Variants in CELF1 observed in about 807,000 individuals in gnomAD.
The protein encoded by CELF1 is 50 kDa nuclear polyadenylated RNA-binding protein.
In CELF1, 10 loss-of-function variants were observed where a neutral mutation model predicts 61.8. The observed-to-expected ratio is 0.16, with a 90% CI of 0.10 to 0.27. The LOEUF (loss-of-function observed/expected upper bound fraction) is 0.27. Among genes scored for constraint, CELF1 ranks in the 10% least tolerant of loss-of-function variants. The probability of loss-of-function intolerance (pLI) is 1.00; values close to 1 mark genes in which losing one functional copy is unlikely to be tolerated. For missense variants in CELF1, 380 were observed against 639.1 expected (o/e 0.59, Z 4.37); for synonymous variants, 236 against 225.1 (o/e 1.05, Z -0.43).
intron 3 of CELF1, among the ~76,000 whole-genome samples, chr11:47,498,335 G>A (rs1263238156): frequency 1.3e-5 from 2 of 152,092 alleles, no homozygotes; most frequent in Non-Finnish European, 2.9e-5. Context: ...AGCCCAGGAG[G>A]TTGAGGCTAC....
upstream of CELF1, chr11:47,553,243 G>C (rs570733045): frequency 1.0e-5 from 4 of 382,686 alleles, no homozygotes; most frequent in African/African-American, 2.1e-5. Context: ...GCGCCGATGC[G>C]AGCGGAGCGC....
chr11:47,479,041 T>G (rs2081508837), intron 9 of CELF1, 89 bp from the exon 10 acceptor site: 1 of 1,017,384 alleles, frequency 9.8e-7, no homozygotes, highest in Non-Finnish European at 1.5e-6. Flanking sequence ...AAAGCGAGAG[T>G]GCAGAGGCCC....
chr11:47,486,303 C>T (rs1456203597), intron 6 of CELF1, among the ~76,000 whole-genome samples: 1 of 151,860 alleles, frequency 6.6e-6, no homozygotes, highest in African/African-American at 2.4e-5. Context: ...TCTGTCAGCT[C>T]TGTTCTTCAT....
At chr11:47,484,359 A>C in intron 7 of CELF1, 30 bp downstream of exon 7, 3 of 1,589,298 alleles carry the variant, frequency 1.9e-6, no homozygotes, top group Non-Finnish European at 2.6e-6. Flanking sequence ...CAAAAAACCA[A>C]AAGATTATTT....
chr11:47,515,500 C>T (rs1390129738), intron 1 of CELF1, among the ~76,000 whole-genome samples: 1 of 152,220 alleles, frequency 6.6e-6, no homozygotes, highest in African/African-American at 2.4e-5. Context: ...ACTACTGCTC[C>T]TCTTTCCAAC....
Position 47,531,244 on chromosome 11 carries a change from A to AAAC in CELF1, c.-154+21745_-154+21747dup, listed in dbSNP as rs553113820. 6.4e-4 allele frequency among the ~76,000 whole-genome samples: 97 copies of AAAC among 151,424 alleles called. 1 individual carries two copies. Among genetic ancestry groups the AAAC allele is most frequent in the South Asian group, 6.3e-3 (30 of 4,786 alleles). On this transcript the variant is annotated intron_variant, in intron 1 of 14. Transcript: ENST00000687097. Reference sequence around the variant, plus strand: ...CTTGTCACAGCAAGACTCCGAATCAAAACAACAACAACAACAACAACAAAA... The same window carrying AAAC: ...CTTGTCACAGCAAGACTCCGAATCAAAACAACAACAACAACAACAACAACAAAA...
intron 1 of CELF1, chr11:47,524,586 G>C (rs1597933377): frequency 1.3e-5 from 2 of 152,228 alleles, no homozygotes; most frequent in South Asian, 2.1e-4. Flanking sequence ...ATGGATGCAC[G>C]TAAGAACACA....
rs182515650 is a variant in CELF1 at position 47,488,161 on chromosome 11, T to C, written c.259+676A>G. On this transcript the variant is annotated intron_variant, in intron 4 of 14. Transcript: ENST00000687097. ...ACTGTTGGACAGCTTTCACAGAAAA[T>C]TATTTGAAAACTGGTAAAATGGAAA... Among the ~76,000 whole-genome samples, 664 of 152,298 alleles carry C rather than the reference T, an allele frequency of 4.4e-3. 2 individuals are homozygous for C. The highest frequency in any genetic ancestry group is 0.015 in the African/African-American group (609 of 41,556).
chr11:47,558,346 A>G (rs1422994619), intron 2 of CELF1, among the ~76,000 whole-genome samples: 2 of 149,560 alleles, frequency 1.3e-5, no homozygotes, highest in Non-Finnish European at 2.9e-5. Flanking sequence ...TGTTTTATAT[A>G]TATAATCAGA....
At chr11:47,486,871 T>C in intron 5 of CELF1, 73 bp from the exon 6 acceptor site, 1 of 1,134,860 alleles carries the variant, frequency 8.8e-7, no homozygotes, top group Non-Finnish European at 1.3e-6. Context: ...GACTCTAAAA[T>C]ACCAGAACTA....
chr11:47,482,601 T>C (rs1443008526), intron 9 of CELF1, 94 bp downstream of exon 9: 19 of 1,249,664 alleles, frequency 1.5e-5, no homozygotes, highest in Non-Finnish European at 1.1e-6. Context: ...TGCCAAAAGT[T>C]GTAAATGCCA....
intron 10 of CELF1, among the ~76,000 whole-genome samples, chr11:47,478,424 A>G (rs2081242174): frequency 6.6e-6 from 1 of 152,216 alleles, no homozygotes; most frequent in Non-Finnish European, 1.5e-5. Context: ...ATAGGAATTC[A>G]CCTAAGAAAC....
chr11:47,513,552 C>G (rs1204804808), intron 1 of CELF1: 1 of 151,834 alleles, frequency 6.6e-6, no homozygotes, highest in East Asian at 1.9e-4. Flanking sequence ...CTCCGCCTCT[C>G]GGGTGCATGC....
intron 1 of CELF1, among the ~76,000 whole-genome samples, chr11:47,509,699 T>C (rs1343956864): frequency 6.6e-6 from 1 of 152,132 alleles, no homozygotes; most frequent in African/African-American, 2.4e-5. Flanking sequence ...CAGACCAGCC[T>C]GGCCAATGTG....
At chr11:47,484,128 T>A (rs1266120860) in intron 7 of CELF1, among the ~76,000 whole-genome samples, 2 of 151,450 alleles carry the variant, frequency 1.3e-5, no homozygotes, top group Non-Finnish European at 2.9e-5. Context: ...AGTCCAGGAG[T>A]TCAAGACCAG....
chr11:47,495,161 A>G (rs1054513345), intron 3 of CELF1, among the ~76,000 whole-genome samples: 1 of 152,250 alleles, frequency 6.6e-6, no homozygotes, highest in African/African-American at 2.4e-5. Flanking sequence ...TCAGAAGTGG[A>G]AAAGTTGCAA....
intron 1 of CELF1, among the ~76,000 whole-genome samples, chr11:47,509,986 C>T (rs543944931): frequency 1.1e-4 from 17 of 151,388 alleles, no homozygotes; most frequent in Admixed American, 7.2e-4. Context: ...CACTTGAACT[C>T]GGGAAGCGGA....
At chr11:47,552,395 G>A (rs938749256) in intron 1 of CELF1, among the ~76,000 whole-genome samples, 6 of 152,206 alleles carry the variant, frequency 3.9e-5, no homozygotes, top group African/African-American at 1.4e-4. Flanking sequence ...TCCCGCTCCC[G>A]GGTGCGAGAT....
At chr11:47,535,507 C>T (rs975151644) in intron 1 of CELF1, among the ~76,000 whole-genome samples, 1 of 151,434 alleles carries the variant, frequency 6.6e-6, no homozygotes, top group Non-Finnish European at 1.5e-5. Context: ...GGAGAAACTC[C>T]GTCTCTACTA....
Sources: gnomAD v4.1 joint callset for allele counts (sites outside exome capture counted in the v4.1 genomes callset) on GRCh38, gnomAD v4.1.1 for gene constraint, MANE v1.5 for transcripts, NCBI Gene and HGNC (gene_info 2026-07-23, HGNC 2026-07-21) for gene names.